The following KCTD1 variants were observed in gnomAD, a reference collection of about 807,000 sequenced individuals.
KCTD1 encodes the protein potassium channel tetramerization domain containing 1.
A neutral mutation model predicts 66.0 loss-of-function variants in KCTD1; 24 were observed. That is an observed-to-expected ratio of 0.36 (90% CI 0.26 to 0.51). KCTD1 has a LOEUF of 0.51. Ranked by LOEUF, KCTD1 falls within the 20% of genes least tolerant of loss-of-function variation. The pLI is 0.95. For missense variants in KCTD1, 943 were observed against 1,205.2 expected (o/e 0.78, Z 3.22); for synonymous variants, 511 against 517.2 (o/e 0.99, Z 0.16).
rs543158113 is a variant in KCTD1 at position 26,629,193 on chromosome 18, T to G, written c.-62A>C. 1.9e-5 allele frequency: 19 copies of G among 985,386 alleles called. No homozygotes were observed. The African/African-American group carries it at 3.3e-4, about 17-fold the overall frequency. 61.0% of individuals were successfully genotyped at this position (985,386 alleles called of 1,614,324 possible). A position where few individuals can be genotyped will look rare whatever the true frequency, so the allele number is the denominator to read the frequency against. ...TATTCATCTGCACCCTCCGTCCCAG[T>G]TGGTGTGCAGTGCAGGCTTGAGGAG... is the stretch of plus-strand genomic sequence containing the variant. On this transcript the variant is annotated 5_prime_UTR_variant, in exon 1 of 5. Transcript: ENST00000317932.
upstream of KCTD1, among the ~76,000 whole-genome samples, chr18:26,642,442 A>T (rs940807923): frequency 6.6e-6 from 1 of 152,218 alleles, no homozygotes. Flanking sequence ...AAAGTTTAGC[A>T]GGGAAAATTT....
intron 1 of KCTD1, among the ~76,000 whole-genome samples, chr18:26,611,290 CCTAA>C (rs773567504): frequency 2.0e-5 from 3 of 152,134 alleles, no homozygotes; most frequent in Non-Finnish European, 4.4e-5. Context: ...ATTTGCCTCA[CCTAA>C]CTTTTTGGAC....
chr18:26,579,725 G>A (rs1986309567), intron 1 of KCTD1, among the ~76,000 whole-genome samples: 1 of 152,082 alleles, frequency 6.6e-6, no homozygotes, highest in Admixed American at 6.6e-5. Context: ...TGACGAAATA[G>A]TCTATAAATG....
rs569158282 is a variant in KCTD1, at chr18:26,546,746, A to G, written c.1791T>C (p.Ala597=). ...STNSPTIVSP[A]IVSPTQDSRP... is the part of the protein sequence containing the mutation. Reference sequence around the variant, plus strand: ...TGGTTACCTGGGTGGGGGAAACAATAGCAGGTGAAACTATTGTGGGAGAAT... The same window carrying G: ...TGGTTACCTGGGTGGGGGAAACAATGGCAGGTGAAACTATTGTGGGAGAAT... The change falls in exon 1 of 5, where the codon GCT becomes GCC. Residue 597 remains alanine, a synonymous_variant. Transcript: ENST00000580059. The G allele has an allele frequency of 1.1e-4, 174 of 1,549,328 alleles. No homozygotes were observed. Among genetic ancestry groups the G allele is most frequent in the Non-Finnish European group, 1.5e-4 (169 of 1,146,238 alleles).
intron 1 of KCTD1, among the ~76,000 whole-genome samples, chr18:26,520,524 T>C (rs1246216181): frequency 6.6e-6 from 1 of 152,240 alleles, no homozygotes; most frequent in African/African-American, 2.4e-5. Context: ...TTTAGAGATT[T>C]AGTTTGAGGT....
intron 1 of KCTD1, among the ~76,000 whole-genome samples, chr18:26,558,507 AT>A (rs1231448636): frequency 3.8e-4 from 58 of 152,372 alleles, no homozygotes; most frequent in Non-Finnish European, 6.6e-4. Flanking sequence ...CTGTACTCCC[AT>A]GTTTGTTGCA....
intron 1 of KCTD1, among the ~76,000 whole-genome samples, chr18:26,531,887 GCATTT>G (rs1443695808): frequency 6.6e-6 from 1 of 152,190 alleles, no homozygotes. Context: ...TATGGATGAA[GCATTT>G]CACAAACAAG....
In KCTD1 at chr18:26,577,250, C is replaced by T. The variant is rs1986245785; in HGVS notation, c.-16+51897G>A. 2.6e-5 allele frequency among the ~76,000 whole-genome samples: 4 copies of T among 152,196 alleles called. No homozygotes were observed. The South Asian group carries it at 8.3e-4, about 31-fold the overall frequency. On this transcript the variant is annotated intron_variant, in intron 1 of 4. Transcript: ENST00000317932. ...CTTCTCTCAGCTTCATCATCCATCA[C>T]TGTCAAGGTTTATGATATTTACATC... is the stretch of plus-strand genomic sequence containing the variant.
intron 1 of KCTD1, among the ~76,000 whole-genome samples, chr18:26,601,867 CTTGT>C (rs1253090005): frequency 4.6e-5 from 7 of 151,954 alleles, no homozygotes; most frequent in Admixed American, 3.9e-4. Flanking sequence ...CCTTGCAGAA[CTTGT>C]TTGTTTTTAT....
At chr18:26,614,192 C>T (rs1987197513) in intron 1 of KCTD1, among the ~76,000 whole-genome samples, 1 of 152,224 alleles carries the variant, frequency 6.6e-6, no homozygotes, top group Non-Finnish European at 1.5e-5. Context: ...CTGCTATATT[C>T]TAGCACGTAG....
At chr18:26,608,293 C>G (rs1598964707) in intron 1 of KCTD1, among the ~76,000 whole-genome samples, 1 of 152,094 alleles carries the variant, frequency 6.6e-6, no homozygotes, top group Admixed American at 6.6e-5. Context: ...TTTTCTATTT[C>G]CAAGTGAGAG....
intron 1 of KCTD1, among the ~76,000 whole-genome samples, chr18:26,570,197 T>TATATATATAC (rs1986074870): frequency 8.2e-6 from 1 of 121,882 alleles, no homozygotes; most frequent in South Asian, 2.5e-4. Flanking sequence ...AAAAAATATA[T>TATATATATAC]ATATATATAT....
chr18:26,639,758 T>C lies in KCTD1; in HGVS notation c.-107+553A>G, dbSNP rs76319431. ...GTAGGTCAAATGCTGATCCACGTTT[T>C]CAGATGAGGATATGTTCAAACCCTG... is the stretch of plus-strand genomic sequence containing the variant. On this transcript the variant is annotated intron_variant, in intron 1 of 5. Transcript: ENST00000579973. 2.0e-5 allele frequency among the ~76,000 whole-genome samples: 3 copies of C among 152,278 alleles called. No individual in the cohort carries two copies. In the East Asian group the frequency reaches 5.8e-4, roughly 29 times the overall value.
chr18:26,609,181 T>A (rs1362952903), intron 1 of KCTD1, among the ~76,000 whole-genome samples: 1 of 152,214 alleles, frequency 6.6e-6, no homozygotes, highest in Non-Finnish European at 1.5e-5. Flanking sequence ...TATAATGCAA[T>A]GAACAAGTCC....
intron 1 of KCTD1, among the ~76,000 whole-genome samples, chr18:26,598,705 G>A (rs910688423): frequency 6.6e-6 from 1 of 152,184 alleles, no homozygotes; most frequent in Non-Finnish European, 1.5e-5. Context: ...GTGGGTGTGA[G>A]TATCTCATTG....
chr18:26,545,261 G>A (rs1415727417), intron 1 of KCTD1: 1 of 152,126 alleles, frequency 6.6e-6, no homozygotes, highest in African/African-American at 2.4e-5. Context: ...GGTTTTTACT[G>A]TATCAGAAGA....
upstream of KCTD1, chr18:26,549,569 C>T: frequency 1.3e-6 from 1 of 771,650 alleles, no homozygotes; most frequent in Non-Finnish European, 1.6e-6. Context: ...CCTCCCTGCC[C>T]CTGAGCAAAG....
At chr18:26,565,322 G>C (rs2144886070) in intron 1 of KCTD1, among the ~76,000 whole-genome samples, 1 of 152,256 alleles carries the variant, frequency 6.6e-6, no homozygotes, top group African/African-American at 2.4e-5. Context: ...AAAGAGCTTG[G>C]AGATCATCAG....
chr18:26,565,529 G>T (rs1985962765), intron 1 of KCTD1, among the ~76,000 whole-genome samples: 1 of 152,120 alleles, frequency 6.6e-6, no homozygotes, highest in African/African-American at 2.4e-5. Flanking sequence ...CTTTTCACCT[G>T]CAAGAAAGAA....
Sources: allele counts gnomAD v4.1 joint callset (sites outside exome capture counted in the v4.1 genomes callset), GRCh38; gene constraint gnomAD v4.1.1; transcripts MANE v1.5; gene names NCBI Gene and HGNC (gene_info 2026-07-23, HGNC 2026-07-21).